PSD3: variants seen among roughly 807,000 people sequenced by gnomAD.
The protein encoded by PSD3 is pleckstrin and Sec7 domain containing 3.
In PSD3, 49 loss-of-function variants were observed where a neutral mutation model predicts 105.5. The observed-to-expected ratio is 0.46, with a 90% CI of 0.37 to 0.59. The LOEUF is 0.59. PSD3 is among the 20% of genes least tolerant of loss of function. PSD3 has a pLI of 0.00. For missense variants in PSD3, 1,561 were observed against 1,263.8 expected, an observed-to-expected ratio of 1.24 and a Z score of -3.57; for synonymous variants, 557 against 457.8, an observed-to-expected ratio of 1.22 and a Z score of -2.77.
intron 12 of PSD3, among the ~76,000 whole-genome samples, chr8:18,599,577 C>T (rs1014843849): frequency 1.3e-5 from 2 of 152,080 alleles, no homozygotes; most frequent in Non-Finnish European, 2.9e-5. Context: ...CCCCAGTGGA[C>T]GCCTGAAATT....
rs201567625 is a variant in PSD3 at position 19,072,119 on chromosome 8, T to G, written c.324+12087A>C. On this transcript the variant is annotated intron_variant, in intron 1 of 1. Coordinates refer to the PSD3 transcript ENST00000521475. ...GAATATTTCTTCTTTTTTTTTTTTT[T>G]GTGACGGAGTCTCCCTCTGTCGCCC... Among the ~76,000 whole-genome samples the G allele has an allele frequency of 5.3e-4, 44 of 82,886 alleles. No homozygotes were observed. In the South Asian group the frequency reaches 0.015, roughly 28 times the overall value. 54.4% of individuals were successfully genotyped at this position (82,886 alleles called of 152,430 possible).
intron 1 of PSD3, among the ~76,000 whole-genome samples, chr8:19,027,046 G>C (rs1827580883): frequency 6.6e-6 from 1 of 152,118 alleles, no homozygotes; most frequent in South Asian, 2.1e-4. Flanking sequence ...TGTCGACAAA[G>C]TTGGTAAGAG....
chr8:18,757,298 C>CAAAA (rs373688617), intron 9 of PSD3, among the ~76,000 whole-genome samples: 1 of 123,068 alleles, frequency 8.1e-6, no homozygotes, highest in East Asian at 2.3e-4. Context: ...ACCAAAAATA[C>CAAAA]AAAAAAAAAA....
Position 19,013,509 on chromosome 8 carries a change from G to C in PSD3, c.21+54C>G. On this transcript the variant is annotated intron_variant, in intron 1 of 15. Transcript: ENST00000327040. Reference sequence around the variant, plus strand: ...GACAAAGCAACACAAACCCCACGTCGAACAGCGGCGCCGCGTGCGCACCCC... The same window carrying C: ...GACAAAGCAACACAAACCCCACGTCCAACAGCGGCGCCGCGTGCGCACCCC... The C allele has an allele frequency of 2.5e-6, 4 of 1,578,578 alleles. No homozygotes were observed. The East Asian group carries it at 9.5e-5, about 38-fold the overall frequency.
At chr8:18,675,391 C>T (rs1800012083) in intron 9 of PSD3, among the ~76,000 whole-genome samples, 1 of 152,150 alleles carries the variant, frequency 6.6e-6, no homozygotes, top group Non-Finnish European at 1.5e-5. Flanking sequence ...GCTTCGTAAT[C>T]TTATTTATTT....
intron 9 of PSD3, chr8:18,683,838 T>A: frequency 1.3e-6 from 1 of 765,360 alleles, no homozygotes; most frequent in Non-Finnish European, 2.4e-6. Flanking sequence ...CCTGTGAGAC[T>A]GCCGCCGGAT....
At chr8:18,634,689 A>C (rs1017572347) in intron 10 of PSD3, among the ~76,000 whole-genome samples, 5 of 152,182 alleles carry the variant, frequency 3.3e-5, no homozygotes, top group Middle Eastern at 3.4e-3. Flanking sequence ...TCCTCAGTTT[A>C]GGTTTTTCTG....
At chr8:18,585,266 G>A (rs1563348375) in intron 12 of PSD3, among the ~76,000 whole-genome samples, 1 of 152,170 alleles carries the variant, frequency 6.6e-6, no homozygotes, top group South Asian at 2.1e-4. Context: ...ACAGACTGCT[G>A]TAGGAAGATT....
chr8:18,815,238 A>G (rs551960430), intron 4 of PSD3, among the ~76,000 whole-genome samples: 7 of 152,180 alleles, frequency 4.6e-5, no homozygotes, highest in African/African-American at 1.7e-4. Context: ...AATATTTTCT[A>G]TGGTTATATA....
chr8:18,785,351 G>C (rs78700717), intron 8 of PSD3, among the ~76,000 whole-genome samples: 1 of 152,068 alleles, frequency 6.6e-6, no homozygotes, highest in Non-Finnish European at 1.5e-5. Flanking sequence ...AAGCATTTTA[G>C]GTTATGAAGA....
intron 14 of PSD3, among the ~76,000 whole-genome samples, chr8:18,562,540 T>G (rs1050648979): frequency 2.6e-5 from 4 of 152,146 alleles, no homozygotes; most frequent in African/African-American, 9.7e-5. Context: ...GCTATAGCTC[T>G]CAAACGTGCA....
chr8:19,059,148 A>G lies in PSD3; in HGVS notation c.324+25058T>C, dbSNP rs143948005. 3.2e-3 allele frequency among the ~76,000 whole-genome samples: 487 copies of G among 152,314 alleles called. 3 individuals carry two copies. The highest frequency in any genetic ancestry group is 0.017 in the South Asian group (80 of 4,824). On this transcript the variant is annotated intron_variant, in intron 1 of 1. Transcript: ENST00000521475. ...TAGCAGAGACATGAAAAGCAGAATC[A>G]CCAGAATCTAAGTCATCGGAAAGTC...
intron 14 of PSD3, among the ~76,000 whole-genome samples, chr8:18,562,925 GAAAAAGAAA>G (rs1286282734): frequency 0.057 from 82 of 1,440 alleles, no homozygotes; most frequent in Non-Finnish European, 0.32. Flanking sequence ...AAAAGAAAAA[GAAAAAGAAA>G]AAACAAAAAC....
intron 9 of PSD3, among the ~76,000 whole-genome samples, chr8:18,658,833 C>A (rs767308244): frequency 6.6e-6 from 1 of 152,114 alleles, no homozygotes; most frequent in Non-Finnish European, 1.5e-5. Context: ...CTAGTAGCCT[C>A]AGGGATCCAG....
chr8:19,036,669 A>C (rs992751400), intron 1 of PSD3, among the ~76,000 whole-genome samples: 1 of 152,150 alleles, frequency 6.6e-6, no homozygotes, highest in African/African-American at 2.4e-5. Context: ...AATCTTATCC[A>C]TGCGTAAACT....
intron 1 of PSD3, among the ~76,000 whole-genome samples, chr8:19,067,289 G>A (rs1829105740): frequency 6.6e-6 from 1 of 152,152 alleles, no homozygotes; most frequent in Admixed American, 6.5e-5. Flanking sequence ...GGTACAGTAT[G>A]TTCATATCTA....
At chr8:18,930,575 T>C (rs1236973473) in intron 2 of PSD3, among the ~76,000 whole-genome samples, 1 of 150,428 alleles carries the variant, frequency 6.6e-6, no homozygotes, top group Non-Finnish European at 1.5e-5. Flanking sequence ...TTCAATTTTT[T>C]TTTTTTTTTT....
intron 1 of PSD3, among the ~76,000 whole-genome samples, chr8:18,962,788 T>C (rs992404561): frequency 6.6e-6 from 1 of 152,228 alleles, no homozygotes; most frequent in African/African-American, 2.4e-5. Flanking sequence ...CAACTTTATC[T>C]TGCCACACTA....
At chr8:18,559,176 A>T (rs1264359504) in intron 14 of PSD3, among the ~76,000 whole-genome samples, 1 of 152,190 alleles carries the variant, frequency 6.6e-6, no homozygotes, top group East Asian at 1.9e-4. Context: ...GTTTTAGAAT[A>T]TGCGCATCTT....
Sources: gnomAD v4.1 joint callset for allele counts (sites outside exome capture counted in the v4.1 genomes callset) on GRCh38, gnomAD v4.1.1 for gene constraint, MANE v1.5 for transcripts, NCBI Gene and HGNC (gene_info 2026-07-23, HGNC 2026-07-21) for gene names.